The following MZT1 variants were observed in gnomAD, a reference collection of about 807,000 sequenced individuals.
MZT1 encodes mitotic-spindle organizing protein 1.
Under a neutral mutation model 8.5 loss-of-function variants are expected in MZT1, and 8 were observed. That is an observed-to-expected ratio of 0.94 (90% CI 0.55 to 1.70). MZT1 has a LOEUF of 1.70. Ranked by LOEUF, MZT1 falls within the 40% of genes most tolerant of loss-of-function variation. MZT1 has a pLI of 0.00. For synonymous variants in MZT1, 38 were observed against 42.0 expected (o/e 0.90, Z 0.37); for missense variants, 93 against 108.6 (o/e 0.86, Z 0.64).
In MZT1 at chr13:72,714,337, G is replaced by A. The variant is rs147087934; in HGVS notation, c.226-3992C>T. On this transcript the variant is annotated intron_variant, in intron 2 of 2. Coordinates refer to ENST00000377818, the MANE Select transcript of MZT1 (RefSeq NM_001071775.3). ...ATGAGCAAAGAAATAACCTAAGGCT[G>A]GAACTTATACTTAAAGGGGAGGCAG... Among the ~76,000 whole-genome samples, 14 of 152,302 alleles carry A rather than the reference G, an allele frequency of 9.2e-5. 1 individual carries two copies. The highest frequency in any genetic ancestry group is 3.1e-4 in the African/African-American group (13 of 41,558).
chr13:72,711,911 T>C (rs1207479276), intron 2 of MZT1, among the ~76,000 whole-genome samples: 1 of 152,164 alleles, frequency 6.6e-6, no homozygotes, highest in African/African-American at 2.4e-5. Context: ...ACCGATGAGT[T>C]ATTCTTTTTC....
rs1040413944 is a variant in MZT1 at position 72,710,562 on chromosome 13, T to C, written c.226-217A>G. Among the ~76,000 whole-genome samples, 8 of 152,122 alleles carry C rather than the reference T, an allele frequency of 5.3e-5. No homozygotes were observed. The East Asian group carries it at 1.2e-3, about 22-fold the overall frequency. ...CAGTCCACAGGCTAACAGTGGAAAA[T>C]AGTTATATCACCTAAAATAATAGTT... On this transcript the variant is annotated intron_variant, in intron 2 of 2. Transcript: ENST00000377818.
intron 2 of MZT1, among the ~76,000 whole-genome samples, chr13:72,710,803 T>A (rs1359164351): frequency 2.6e-5 from 4 of 152,154 alleles, no homozygotes; most frequent in Non-Finnish European, 5.9e-5. Flanking sequence ...TAACTACTAC[T>A]CTTTCCCAGG....
At chr13:72,727,219 C>T (rs866001458) in intron 1 of MZT1, among the ~76,000 whole-genome samples, 2 of 152,214 alleles carry the variant, frequency 1.3e-5, no homozygotes, top group South Asian at 2.1e-4. Flanking sequence ...GGAGATCGGG[C>T]GGGTAGGGCG....
chr13:72,727,559 G>A lies in MZT1; in HGVS notation c.44C>T (p.Ala15Val), dbSNP rs1028156723. ...SGAGAAAAAA[A>V]ANLNAVRETM... ...CTCCCGCACCGCATTCAGATTCGCC[G>A]CCGCGGCCGCCGCCGCCGCCCCAGC... is the stretch of plus-strand genomic sequence containing the variant. Residue 15 changes from alanine to valine, a missense_variant, in exon 1 of 3, where the codon GCG becomes GTG. Physicochemically the swap from Ala to Val is moderately conservative, Grantham distance 64 (BLOSUM62 0). Transcript: ENST00000377818. 5.0e-6 allele frequency: 8 copies of A among 1,603,112 alleles called. No homozygotes were observed. The highest frequency in any genetic ancestry group is 6.8e-6 in the Non-Finnish European group (8 of 1,173,736).
At chr13:72,714,009 C>T (rs1482463124) in intron 2 of MZT1, among the ~76,000 whole-genome samples, 3 of 152,172 alleles carry the variant, frequency 2.0e-5, no homozygotes, top group Non-Finnish European at 4.4e-5. Flanking sequence ...AAAGAAACTT[C>T]CCTATCTAAA....
Position 72,719,071 on chromosome 13 carries a change from T to C in MZT1, c.106A>G (p.Asn36Asp). The stretch of plus-strand genomic sequence containing the variant: ...AGAGTTTCCATATCTAAGCCAGTAT[T>C]CAAAATTCTTGAAATCTCAAGCAGA... Reference protein sequence around the residue: ...DVLLEISRILNTGLDMETLSI... With the variant: ...DVLLEISRILDTGLDMETLSI... The change falls in exon 2 of 3, where the codon AAT (asparagine) becomes GAT (aspartate). Residue 36 changes from asparagine (N) to aspartate (D), a missense_variant. By Grantham distance (23) the Asn-to-Asp change is conservative (BLOSUM62 1). Transcript: ENST00000377818. 1 of 1,522,298 alleles carries C rather than the reference T, an allele frequency of 6.6e-7. No individual in the cohort carries two copies. Among genetic ancestry groups the C allele is most frequent in the South Asian group, 1.3e-5 (1 of 75,294 alleles). The allele number at this position is 1,522,298 out of a possible 1,614,324, so 94.3% of individuals were successfully genotyped here. A position where few individuals can be genotyped will look rare whatever the true frequency, so the allele number is the denominator to read the frequency against.
chr13:72,727,232 C>T (rs2032679248), intron 1 of MZT1, among the ~76,000 whole-genome samples: 1 of 152,108 alleles, frequency 6.6e-6, no homozygotes, highest in Non-Finnish European at 1.5e-5. Flanking sequence ...GTAGGGCGGA[C>T]CTGGGATGCG....
intron 1 of MZT1, among the ~76,000 whole-genome samples, chr13:72,723,358 T>C: frequency 6.6e-6 from 1 of 152,228 alleles, no homozygotes; most frequent in Non-Finnish European, 1.5e-5. Context: ...ATATGATCAG[T>C]ACAGGTTGAA....
At chr13:72,724,546 T>TG (rs2032621652) in intron 1 of MZT1, among the ~76,000 whole-genome samples, 1 of 146,132 alleles carries the variant, frequency 6.8e-6, no homozygotes, top group Non-Finnish European at 1.5e-5. Context: ...CGTGTTTTTT[T>TG]TTTTTTTTTT....
chr13:72,727,314 T>C (rs1461594565), intron 1 of MZT1, among the ~76,000 whole-genome samples: 2 of 152,192 alleles, frequency 1.3e-5, no homozygotes, highest in Admixed American at 1.3e-4. Flanking sequence ...CCGCAACGCC[T>C]AGCGCGCGCG....
chr13:72,716,843 G>A (rs2032539900), intron 2 of MZT1, among the ~76,000 whole-genome samples: 1 of 152,234 alleles, frequency 6.6e-6, no homozygotes, highest in Admixed American at 6.5e-5. Flanking sequence ...TGGGAACCTG[G>A]TGGCAGCAGC....
intron 1 of MZT1, among the ~76,000 whole-genome samples, chr13:72,720,330 G>A (rs1319227388): frequency 1.3e-5 from 2 of 152,070 alleles, no homozygotes; most frequent in Non-Finnish European, 1.5e-5. Flanking sequence ...TAAACATTCC[G>A]TTGTCATCTT....
intron 2 of MZT1, among the ~76,000 whole-genome samples, chr13:72,717,348 T>TC (rs1206183600): frequency 1.3e-5 from 2 of 151,556 alleles, no homozygotes; most frequent in South Asian, 2.1e-4. Flanking sequence ...TTTTTTTTTT[T>TC]TTTTTTTTTA....
chr13:72,718,842 G>A, intron 2 of MZT1, 110 bp downstream of exon 2: 1 of 1,030,840 alleles, frequency 9.7e-7, no homozygotes, highest in Non-Finnish European at 1.4e-6. Flanking sequence ...TAGTGGTGTT[G>A]CATGTTAGTT....
rs1351794679 is a variant in MZT1, at chr13:72,710,333, T to C, written c.238A>G (p.Met80Val). 1 of 1,613,168 alleles carries C rather than the reference T, an allele frequency of 6.2e-7. No homozygotes were observed. The highest frequency in any genetic ancestry group is 2.2e-5 in the East Asian group (1 of 44,814). ...ATTTCTCCAGAAAGTCAGCTTGTCA[T>C]ATTTTCAGCAGCCTAGAACAAGAAA... Reference protein sequence around the residue: ...ATEALKAAENMTS With the variant: ...ATEALKAAENVTS The change falls in exon 3 of 3, where the codon ATG becomes GTG. Residue 80 changes from methionine (M) to valine (V), a missense_variant. Physicochemically the swap from Met to Val is conservative, Grantham distance 21. Coordinates refer to ENST00000377818, the MANE Select transcript of MZT1 (RefSeq NM_001071775.3).
chr13:72,714,201 T>G (rs1156952853), intron 2 of MZT1, among the ~76,000 whole-genome samples: 1 of 152,214 alleles, frequency 6.6e-6, no homozygotes, highest in Non-Finnish European at 1.5e-5. Flanking sequence ...CCTAGGGATC[T>G]GTGGAAGTTT....
chr13:72,715,372 G>T (rs533206531), intron 2 of MZT1, among the ~76,000 whole-genome samples: 6 of 152,274 alleles, frequency 3.9e-5, no homozygotes, highest in African/African-American at 1.4e-4. Flanking sequence ...CTCATAGGTG[G>T]AAGGGACTTG....
intron 2 of MZT1, among the ~76,000 whole-genome samples, chr13:72,714,024 A>G (rs1309813504): frequency 6.6e-6 from 1 of 152,242 alleles, no homozygotes; most frequent in Non-Finnish European, 1.5e-5. Context: ...TCTAAATAGG[A>G]GACAAGTGCT....
Sources: allele counts gnomAD v4.1 joint callset (sites outside exome capture counted in the v4.1 genomes callset), GRCh38; gene constraint gnomAD v4.1.1; transcripts MANE v1.5; gene names NCBI Gene and HGNC (gene_info 2026-07-23, HGNC 2026-07-21).